The following NHSL1 variants were observed in gnomAD, a reference collection of about 807,000 sequenced individuals.
NHSL1 encodes NHS like 1.
Under a neutral mutation model 95.0 loss-of-function variants are expected in NHSL1, and 48 were observed. The observed-to-expected ratio is 0.51, with a 90% CI of 0.40 to 0.64. The LOEUF is 0.64. Among genes scored for constraint, NHSL1 ranks in the 30% least tolerant of loss-of-function variants. NHSL1 has a pLI of 0.00. For missense variants in NHSL1, 1,971 were observed against 2,077.7 expected (o/e 0.95, Z 1.00); for synonymous variants, 783 against 833.9 (o/e 0.94, Z 1.05).
At chr6:138,642,595 G>A (rs1412830307) in intron 1 of NHSL1, among the ~76,000 whole-genome samples, 1 of 152,184 alleles carries the variant, frequency 6.6e-6, no homozygotes, top group African/African-American at 2.4e-5. Flanking sequence ...GAACCATGAA[G>A]TTTAGGCAAA....
chr6:138,553,489 T>A (rs1326277812), intron 1 of NHSL1, among the ~76,000 whole-genome samples: 1 of 152,228 alleles, frequency 6.6e-6, no homozygotes, highest in Non-Finnish European at 1.5e-5. Context: ...TCATTCACAC[T>A]TAACTTCTGG....
chr6:138,623,137 T>C (rs1784688423), intron 1 of NHSL1, among the ~76,000 whole-genome samples: 1 of 152,220 alleles, frequency 6.6e-6, no homozygotes, highest in Non-Finnish European at 1.5e-5. Flanking sequence ...ATTGCATTAA[T>C]GACGTGGATC....
intron 1 of NHSL1, among the ~76,000 whole-genome samples, chr6:138,636,018 G>A (rs1409808177): frequency 1.3e-5 from 2 of 149,938 alleles, no homozygotes; most frequent in African/African-American, 4.9e-5. Flanking sequence ...AGCTACTCAG[G>A]AGGCTGAGGC....
chr6:138,547,634 C>T (rs190316475), upstream of NHSL1, among the ~76,000 whole-genome samples: 8 of 152,346 alleles, frequency 5.3e-5, no homozygotes, highest in East Asian at 1.9e-4. Flanking sequence ...CCACCCGCCT[C>T]GGCCTCCCAA....
intron 1 of NHSL1, among the ~76,000 whole-genome samples, chr6:138,508,871 C>T (rs2128298256): frequency 6.6e-6 from 1 of 152,338 alleles, no homozygotes; most frequent in East Asian, 1.9e-4. Context: ...ATTTCATTAA[C>T]TGTAACCTCT....
At chr6:138,631,853 G>A (rs528870026) in intron 1 of NHSL1, among the ~76,000 whole-genome samples, 1 of 152,258 alleles carries the variant, frequency 6.6e-6, no homozygotes, top group South Asian at 2.1e-4. Context: ...AAAGTAAAGA[G>A]GGCTTAGACT....
Position 138,678,283 on chromosome 6 carries a change from T to C in NHSL1, c.96+14193A>G, listed in dbSNP as rs78321029. 7.4e-3 allele frequency among the ~76,000 whole-genome samples: 1,127 copies of C among 152,328 alleles called. 15 individuals are homozygous for C. The highest frequency in any genetic ancestry group is 0.026 in the African/African-American group (1,084 of 41,568). On this transcript the variant is annotated intron_variant, in intron 1 of 3. Coordinates refer to the NHSL1 transcript ENST00000491526. ...TCTTCTGACACTGATCATGAATGTC[T>C]GGCAAAAGAGGCCAGAATGATAGGC...
At chr6:138,466,976 G>C (rs1778421281) in intron 3 of NHSL1, among the ~76,000 whole-genome samples, 1 of 151,894 alleles carries the variant, frequency 6.6e-6, no homozygotes, top group Non-Finnish European at 1.5e-5. Flanking sequence ...AGTGAGCTGA[G>C]ATCGTGCCAC....
At chr6:138,456,122 C>T (rs553333469) in intron 3 of NHSL1, among the ~76,000 whole-genome samples, 1 of 152,120 alleles carries the variant, frequency 6.6e-6, no homozygotes, top group Non-Finnish European at 1.5e-5. Flanking sequence ...TTTATCGAAA[C>T]CAGAACACCT....
At chr6:138,543,732 T>C (rs1782673675) in intron 1 of NHSL1, among the ~76,000 whole-genome samples, 1 of 152,208 alleles carries the variant, frequency 6.6e-6, no homozygotes. Flanking sequence ...TTAATCTCAC[T>C]CACCCTTATT....
At chr6:138,501,844 T>C (rs1416966362), upstream of NHSL1, among the ~76,000 whole-genome samples, 1 of 152,246 alleles carries the variant, frequency 6.6e-6, no homozygotes, top group Non-Finnish European at 1.5e-5. Flanking sequence ...TCTTCCCATA[T>C]ACTTTAAATC....
intron 1 of NHSL1, among the ~76,000 whole-genome samples, chr6:138,517,006 T>C (rs745348954): frequency 2.0e-4 from 30 of 152,316 alleles, no homozygotes; most frequent in Middle Eastern, 3.4e-3. Context: ...AAACTAAATT[T>C]TAAAAATAGA....
upstream of NHSL1, among the ~76,000 whole-genome samples, chr6:138,576,792 T>G (rs1157152123): frequency 1.3e-5 from 2 of 152,328 alleles, no homozygotes; most frequent in South Asian, 2.1e-4. Context: ...GACCCCCAGG[T>G]GGATCTTTAC....
rs143457650 is a variant in NHSL1, at chr6:138,440,418, T to C, written c.664+1565A>G. On this transcript the variant is annotated intron_variant, in intron 5 of 7. Transcript: ENST00000343505. The stretch of plus-strand genomic sequence containing the variant: ...AGCCACAGAGGAACCAGGCCACTAA[T>C]AGCAGCAGCATGTGGGGCACGAACC... 1.7e-3 allele frequency among the ~76,000 whole-genome samples: 264 copies of C among 152,298 alleles called. 3 individuals are homozygous for C. The highest frequency in any genetic ancestry group is 6.2e-3 in the African/African-American group (256 of 41,538).
intron 5 of NHSL1, among the ~76,000 whole-genome samples, chr6:138,435,895 G>A (rs991588784): frequency 9.9e-5 from 15 of 152,046 alleles, no homozygotes; most frequent in African/African-American, 2.2e-4. Flanking sequence ...CTGTTACGGT[G>A]ATCTGTGACC....
intron 1 of NHSL1, among the ~76,000 whole-genome samples, chr6:138,519,036 A>G (rs959638694): frequency 1.3e-5 from 2 of 151,942 alleles, no homozygotes; most frequent in African/African-American, 2.4e-5. Context: ...ATGAATAAAT[A>G]AATAAATAAA....
At chr6:138,576,061 G>A (rs1198030158), upstream of NHSL1, among the ~76,000 whole-genome samples, 1 of 152,046 alleles carries the variant, frequency 6.6e-6, no homozygotes, top group African/African-American at 2.4e-5. Context: ...GCGCGATCTT[G>A]TCTCATTGCA....
At chr6:138,611,045 T>C (rs1784505663) in intron 1 of NHSL1, among the ~76,000 whole-genome samples, 1 of 151,258 alleles carries the variant, frequency 6.6e-6, no homozygotes. Context: ...ACCACTGCAT[T>C]CCAGTGAGTG....
At chr6:138,509,935 A>C (rs2128299140) in intron 1 of NHSL1, among the ~76,000 whole-genome samples, 1 of 152,324 alleles carries the variant, frequency 6.6e-6, no homozygotes, top group East Asian at 1.9e-4. Flanking sequence ...TTTATAACCA[A>C]AAGGTAAAGC....
Sources: gnomAD v4.1 joint callset for allele counts (sites outside exome capture counted in the v4.1 genomes callset) on GRCh38, gnomAD v4.1.1 for gene constraint, MANE v1.5 for transcripts, NCBI Gene and HGNC (gene_info 2026-07-23, HGNC 2026-07-21) for gene names.